Variants in PTK2 observed in about 807,000 individuals in gnomAD.
PTK2 encodes focal adhesion kinase 1.
In PTK2, 45 loss-of-function variants were observed where a neutral mutation model predicts 150.1. That is an observed-to-expected ratio of 0.30 (90% CI 0.24 to 0.38). The LOEUF (loss-of-function observed/expected upper bound fraction) is 0.38. Ranked by LOEUF, PTK2 falls within the 10% of genes least tolerant of loss-of-function variation. The pLI is 1.00. For synonymous variants in PTK2, 432 were observed against 449.2 expected (o/e 0.96, Z 0.48); for missense variants, 919 against 1,307.3 (o/e 0.70, Z 4.58).
chr8:140,875,597 T>C (rs1029819665), intron 4 of PTK2, among the ~76,000 whole-genome samples: 1 of 152,192 alleles, frequency 6.6e-6, no homozygotes, highest in African/African-American at 2.4e-5. Context: ...TAAATATAAT[T>C]GGATGGCTTA....
intron 23 of PTK2, among the ~76,000 whole-genome samples, chr8:140,716,650 T>C (rs919736883): frequency 2.0e-5 from 3 of 152,188 alleles, no homozygotes; most frequent in Non-Finnish European, 2.9e-5. Context: ...GCCTTCAAGA[T>C]AAAAAAATTG....
Position 140,719,919 on chromosome 8 carries a change from AAACAACAAC to A in PTK2, c.2031-2219_2031-2211del, listed in dbSNP as rs1222878569. On this transcript the variant is annotated intron_variant, in intron 22 of 31. Transcript: ENST00000522684. Reference sequence around the variant, plus strand: ...AAAAAAAAAAAAAAAAAAAAATCAAAAACAACAACAACAACAACAACAACAACAAACACC... The same window carrying A: ...AAAAAAAAAAAAAAAAAAAAATCAAAAACAACAACAACAACAACAAACACC... 4.3e-3 allele frequency among the ~76,000 whole-genome samples: 643 copies of A among 149,668 alleles called. 3 individuals are homozygous for A. The highest frequency in any genetic ancestry group is 0.015 in the African/African-American group (588 of 40,382).
chr8:140,896,498 TCAC>T (rs1376272658), intron 2 of PTK2, among the ~76,000 whole-genome samples: 12 of 152,176 alleles, frequency 7.9e-5, no homozygotes, highest in Non-Finnish European at 1.6e-4. Context: ...TCAGTGTAAT[TCAC>T]CACATTTTCA....
At chr8:140,972,457 G>A (rs2100187656) in intron 1 of PTK2, among the ~76,000 whole-genome samples, 1 of 152,096 alleles carries the variant, frequency 6.6e-6, no homozygotes. Context: ...CAGAAACGGG[G>A]TTTCACCATG....
chr8:140,699,372 C>T (rs978252952), intron 26 of PTK2, among the ~76,000 whole-genome samples: 8 of 152,112 alleles, frequency 5.3e-5, no homozygotes, highest in Admixed American at 1.3e-4. Flanking sequence ...AGTTCTGAGG[C>T]TGAGGGCATA....
chr8:140,745,073 GC>G (rs2058999849), intron 18 of PTK2, among the ~76,000 whole-genome samples: 1 of 99,218 alleles, frequency 1.0e-5, no homozygotes, highest in African/African-American at 6.1e-5. Context: ...ACAAATTATT[GC>G]TAAATAATAA....
chr8:140,888,775 A>G (rs914616208), intron 3 of PTK2, among the ~76,000 whole-genome samples: 13 of 57,648 alleles, frequency 2.3e-4, no homozygotes, highest in African/African-American at 4.2e-4. Context: ...CATTTTTGCT[A>G]AATGTCTTGT....
At chr8:140,691,513 T>G (rs1032068762) in intron 26 of PTK2, among the ~76,000 whole-genome samples, 2 of 152,172 alleles carry the variant, frequency 1.3e-5, no homozygotes, top group African/African-American at 4.8e-5. Context: ...TTTCCCCAAA[T>G]AGTTGACCAT....
At chr8:140,672,124 T>C (rs2095609487) in intron 29 of PTK2, 2 of 452,558 alleles carry the variant, frequency 4.4e-6, no homozygotes, top group East Asian at 1.4e-4. Flanking sequence ...TTTTTCATTG[T>C]AATACAAGCC....
chr8:140,993,979 C>G (rs928618410), intron 1 of PTK2, among the ~76,000 whole-genome samples: 5 of 152,122 alleles, frequency 3.3e-5, no homozygotes, highest in African/African-American at 1.2e-4. Flanking sequence ...ATCTGTCCAC[C>G]TCGGCTTCCC....
rs539864553 is a variant in PTK2 at position 140,979,971 on chromosome 8, G to A, written c.-122+21154C>T. Among the ~76,000 whole-genome samples, 3 of 152,274 alleles carry A rather than the reference G, an allele frequency of 2.0e-5. No homozygotes were observed. The South Asian group carries it at 6.2e-4, about 32-fold the overall frequency. ...GCGTGAAAACAAACTAATACAAGGA[G>A]TCATTATATTAGTGGTGATATAAAT... is the stretch of plus-strand genomic sequence containing the variant. On this transcript the variant is annotated intron_variant, in intron 1 of 31. Transcript: ENST00000522684.
Position 140,779,494 on chromosome 8 carries a change from T to G in PTK2, c.1177+9980A>C, listed in dbSNP as rs528448467. ...ACCCTTACCTCATCTCCAGTCCTAG[T>G]GCTACCATGGTTCTCAGACACCATC... On this transcript the variant is annotated intron_variant, in intron 14 of 31. Transcript: ENST00000522684. 1.1e-4 allele frequency among the ~76,000 whole-genome samples: 17 copies of G among 152,204 alleles called. No homozygotes were observed. The South Asian group carries it at 3.5e-3, about 32-fold the overall frequency.
At chr8:140,766,894 T>G (rs560152748) in intron 14 of PTK2, among the ~76,000 whole-genome samples, 24 of 152,230 alleles carry the variant, frequency 1.6e-4, no homozygotes, top group Non-Finnish European at 2.8e-4. Flanking sequence ...AGCACTGTTA[T>G]GAGGATTACA....
chr8:140,799,418 C>T (rs1263699540), intron 12 of PTK2: 1 of 152,468 alleles, frequency 6.6e-6, no homozygotes, highest in African/African-American at 2.4e-5. Context: ...CCTCTATAAT[C>T]ATCCTAGTCA....
At chr8:140,920,855 T>C (rs1603090969) in intron 2 of PTK2, 1 of 1,528,708 alleles carries the variant, frequency 6.5e-7, no homozygotes. Context: ...TCCGCTTTTC[T>C]CCATATAGAT....
Position 140,691,185 on chromosome 8 carries a change from AGAGAT to A in PTK2, c.2500-4496_2500-4492del, listed in dbSNP as rs2100022958. Among the ~76,000 whole-genome samples, 7 of 141,366 alleles carry A rather than the reference AGAGAT, an allele frequency of 5.0e-5. No individual in the cohort carries two copies. The Admixed American group carries it at 5.0e-4, about 10-fold the overall frequency. 92.7% of individuals were successfully genotyped at this position (141,366 alleles called of 152,430 possible). A position where few individuals can be genotyped will look rare whatever the true frequency, so the allele number is the denominator to read the frequency against. On this transcript the variant is annotated intron_variant, in intron 26 of 31. Transcript: ENST00000522684. ...GACAGATTTCTTTTCTTCTTCTTTT[AGAGAT>A]GGTTGGGGGTGGGGGGTCTCACTAT...
At chr8:140,678,414 T>G (rs2100015071) in intron 27 of PTK2, among the ~76,000 whole-genome samples, 1 of 152,078 alleles carries the variant, frequency 6.6e-6, no homozygotes, top group Admixed American at 6.5e-5. Context: ...TGGCATGATC[T>G]TTGTTCACTG....
chr8:140,990,913 C>CG (rs2154610242), intron 1 of PTK2, among the ~76,000 whole-genome samples: 1 of 152,194 alleles, frequency 6.6e-6, no homozygotes, highest in Non-Finnish European at 1.5e-5. Context: ...ACGGGAGACT[C>CG]TTTTTCACTC....
intron 1 of PTK2, among the ~76,000 whole-genome samples, chr8:140,942,623 C>CGT (rs1391538705): frequency 8.7e-5 from 5 of 57,696 alleles, no homozygotes; most frequent in Admixed American, 6.5e-4. Context: ...CTAATGAGTG[C>CGT]GTGCGTGTGT....
Sources: allele counts gnomAD v4.1 joint callset (sites outside exome capture counted in the v4.1 genomes callset), GRCh38; gene constraint gnomAD v4.1.1; transcripts MANE v1.5; gene names NCBI Gene and HGNC (gene_info 2026-07-23, HGNC 2026-07-21).